PRH1: variants seen among roughly 807,000 people sequenced by gnomAD.
PRH1 encodes proline rich protein HaeIII subfamily 1, also known as salivary acidic proline-rich phosphoprotein 1/2.
In PRH1, 7 loss-of-function variants were observed where a neutral mutation model predicts 7.9. The ratio of observed to expected loss-of-function variants is 0.89; its 90% confidence interval spans 0.50 to 1.67. The LOEUF (loss-of-function observed/expected upper bound fraction) is 1.67. Ranked by LOEUF, PRH1 falls within the 40% of genes most tolerant of loss-of-function variation. The pLI is 0.00. For synonymous variants in PRH1, 45 were observed against 80.8 expected (o/e 0.56, Z 2.38); for missense variants, 109 against 223.6 (o/e 0.49, Z 3.27).
At chr12:11,067,514 A>T (rs1451860237) in intron 1 of PRH1, among the ~76,000 whole-genome samples, 2 of 152,316 alleles carry the variant, frequency 1.3e-5, no homozygotes, top group East Asian at 3.9e-4. Flanking sequence ...TAGCATTAAG[A>T]AGGTGGATTT....
chr12:10,962,810 C>G (rs1938303925), intron 2 of PRH1, among the ~76,000 whole-genome samples: 1 of 152,226 alleles, frequency 6.6e-6, no homozygotes, highest in South Asian at 2.1e-4. Context: ...CGCTCTGTCG[C>G]CCAGGCTGGA....
At chr12:11,021,266 T>C (rs1941612137) in intron 1 of PRH1, among the ~76,000 whole-genome samples, 1 of 152,106 alleles carries the variant, frequency 6.6e-6, no homozygotes, top group South Asian at 2.1e-4. Context: ...AATTAGAGGT[T>C]CACCAATGAT....
intron 2 of PRH1, among the ~76,000 whole-genome samples, chr12:10,972,073 G>T (rs1484288837): frequency 6.6e-6 from 1 of 152,128 alleles, no homozygotes; most frequent in Non-Finnish European, 1.5e-5. Flanking sequence ...TTGGCATGTT[G>T]CAAGGGAAAT....
At chr12:10,963,215 T>C (rs1162728696) in intron 2 of PRH1, among the ~76,000 whole-genome samples, 1 of 152,220 alleles carries the variant, frequency 6.6e-6, no homozygotes, top group East Asian at 1.9e-4. Context: ...TCTGTAGAAT[T>C]TACTTGTTTA....
intron 1 of PRH1, among the ~76,000 whole-genome samples, chr12:11,033,856 AC>A (rs1349063559): frequency 6.6e-6 from 1 of 152,232 alleles, no homozygotes; most frequent in Admixed American, 6.5e-5. Flanking sequence ...ATGAACCAAT[AC>A]AAAAATGGGA....
intron 1 of PRH1, among the ~76,000 whole-genome samples, chr12:11,043,173 T>A (rs1402826166): frequency 6.6e-6 from 1 of 152,150 alleles, no homozygotes. Context: ...ATACATCATA[T>A]CAACAGAATG....
At chr12:11,031,589 C>T (rs1480535005) in intron 1 of PRH1, among the ~76,000 whole-genome samples, 9 of 151,862 alleles carry the variant, frequency 5.9e-5, no homozygotes, top group Non-Finnish European at 1.3e-4. Flanking sequence ...AAGCCATGAG[C>T]TTTTATTCCC....
chr12:11,105,104 A>AT (rs1260753108), intron 1 of PRH1, among the ~76,000 whole-genome samples: 2 of 151,960 alleles, frequency 1.3e-5, no homozygotes, highest in African/African-American at 4.8e-5. Flanking sequence ...TTAATCAATC[A>AT]TTGTGTCAGA....
At chr12:11,142,851 A>C (rs1249541659) in intron 1 of PRH1, among the ~76,000 whole-genome samples, 1 of 152,186 alleles carries the variant, frequency 6.6e-6, no homozygotes, top group Non-Finnish European at 1.5e-5. Flanking sequence ...GTTACTGGAG[A>C]AAATATTCTT....
chr12:11,115,577 A>G (rs1448930946), intron 1 of PRH1, among the ~76,000 whole-genome samples: 2 of 152,156 alleles, frequency 1.3e-5, no homozygotes, highest in African/African-American at 4.8e-5. Flanking sequence ...CATTTCATCC[A>G]AAAGTTTCAG....
intron 2 of PRH1, chr12:10,938,650 G>T: frequency 6.2e-7 from 1 of 1,613,932 alleles, no homozygotes; most frequent in East Asian, 2.2e-5. Flanking sequence ...GTATGAAAAT[G>T]AACACAGTGC....
chr12:10,986,074 C>T (rs1216593682), intron 1 of PRH1: 1 of 1,614,066 alleles, frequency 6.2e-7, no homozygotes. Flanking sequence ...GCCTTGCTAA[C>T]CATGACAACC....
intron 2 of PRH1, among the ~76,000 whole-genome samples, chr12:10,910,979 CT>C (rs1395089189): frequency 1.3e-5 from 2 of 152,030 alleles, no homozygotes; most frequent in East Asian, 3.9e-4. Flanking sequence ...TAGATATTTT[CT>C]ATTTTGTTGT....
chr12:10,903,980 A>G (rs1300618502), intron 2 of PRH1, among the ~76,000 whole-genome samples: 3 of 147,262 alleles, frequency 2.0e-5, no homozygotes, highest in Non-Finnish European at 3.0e-5. Flanking sequence ...CTAACCAAGG[A>G]GGTGAAAGAG....
intron 1 of PRH1, among the ~76,000 whole-genome samples, chr12:11,140,376 T>C (rs1287989976): frequency 1.3e-5 from 2 of 152,124 alleles, no homozygotes; most frequent in South Asian, 2.1e-4. Flanking sequence ...AAATGAATGG[T>C]AGTAAATTTA....
intron 2 of PRH1, among the ~76,000 whole-genome samples, chr12:10,961,483 A>G (rs1464512231): frequency 6.6e-6 from 1 of 151,000 alleles, no homozygotes; most frequent in Non-Finnish European, 1.5e-5. Context: ...ATATGCCCAT[A>G]AAGCCAGCCA....
At chr12:10,972,876 C>T (rs934615142) in intron 2 of PRH1, among the ~76,000 whole-genome samples, 10 of 150,332 alleles carry the variant, frequency 6.7e-5, no homozygotes, top group African/African-American at 2.4e-4. Context: ...CTGCTAATAC[C>T]TCTGTATAAC....
chr12:11,048,323 G>C (rs1190622013), upstream of PRH1: 4 of 261,120 alleles, frequency 1.5e-5, no homozygotes, highest in African/African-American at 6.8e-5. Context: ...CTCCCTTTGT[G>C]AATCTATGGA....
intron 1 of PRH1, among the ~76,000 whole-genome samples, chr12:11,026,810 G>C (rs531122089): frequency 6.6e-6 from 1 of 151,962 alleles, no homozygotes; most frequent in South Asian, 2.1e-4. Context: ...TACTGGGCTT[G>C]TGATTTGCTG....
Sources: allele counts gnomAD v4.1 joint callset (sites outside exome capture counted in the v4.1 genomes callset), GRCh38; gene constraint gnomAD v4.1.1; transcripts MANE v1.5; gene names NCBI Gene and HGNC (gene_info 2026-07-23, HGNC 2026-07-21).